MINK1: variants seen among roughly 807,000 people sequenced by gnomAD.
MINK1 encodes the protein misshapen-like kinase 1.
In MINK1, 46 loss-of-function variants were observed where a neutral mutation model predicts 178.4. The ratio of observed to expected loss-of-function variants is 0.26; its 90% CI spans 0.20 to 0.33. The LOEUF (loss-of-function observed/expected upper bound fraction) is 0.33. MINK1 is among the 10% of genes least tolerant of loss of function. The pLI is 1.00. For missense variants in MINK1, 1,366 were observed against 1,814.9 expected, an observed-to-expected ratio of 0.75 and a Z score of 4.49; for synonymous variants, 797 against 709.7, an observed-to-expected ratio of 1.12 and a Z score of -1.96.
chr17:4,841,335 C>T (rs1033690831), intron 1 of MINK1, among the ~76,000 whole-genome samples: 5 of 152,090 alleles, frequency 3.3e-5, no homozygotes, highest in African/African-American at 1.2e-4. Flanking sequence ...CGTCTTGTTC[C>T]AGGAACCACC....
intron 14 of MINK1, 41 bp downstream of exon 14, chr17:4,890,776 C>T: frequency 2.0e-6 from 3 of 1,534,230 alleles, no homozygotes; most frequent in Admixed American, 2.0e-5. Context: ...TGCAGTCCCA[C>T]TGCCTGAGGC....
intron 4 of MINK1, among the ~76,000 whole-genome samples, chr17:4,883,538 TG>T (rs1393913829): frequency 2.0e-5 from 3 of 150,792 alleles, no homozygotes; most frequent in Non-Finnish European, 4.4e-5. Flanking sequence ...GTTTTTTGTT[TG>T]TTTGTTTTTT....
In MINK1 at chr17:4,833,553, C is replaced by T. The variant is rs1162268654; in HGVS notation, c.-31C>T. 7 of 1,482,508 alleles carry T rather than the reference C, an allele frequency of 4.7e-6. No homozygotes were observed. The highest frequency in any genetic ancestry group is 6.3e-6 in the Non-Finnish European group (7 of 1,117,784). 91.8% of individuals were successfully genotyped at this position (1,482,508 alleles called of 1,614,324 possible). A position where few individuals can be genotyped will look rare whatever the true frequency, so the allele number is the denominator to read the frequency against. On this transcript the variant is annotated 5_prime_UTR_variant, in exon 1 of 32. Transcript: ENST00000355280. The surrounding 1 kb of genome is among the most constrained non-coding windows in gnomAD (Gnocchi z 4.8). ...TGGAGTAACCGAGCCGGAGCGTGAG[C>T]GGCCCCGGTGCCCCGTTCCCCACGG...
intron 4 of MINK1, among the ~76,000 whole-genome samples, chr17:4,881,649 C>A (rs1226315962): frequency 6.6e-6 from 1 of 152,216 alleles, no homozygotes; most frequent in Non-Finnish European, 1.5e-5. Context: ...GCAACAGAAC[C>A]AAAATATTTG....
At chr17:4,889,623 A>G in intron 12 of MINK1, 24 bp from the exon 13 acceptor site, 3 of 1,560,118 alleles carry the variant, frequency 1.9e-6, no homozygotes, top group Non-Finnish European at 2.6e-6. Flanking sequence ...TATGGTTCTT[A>G]AGACCACCTG....
At chr17:4,847,729 C>G (rs571769292) in intron 1 of MINK1, among the ~76,000 whole-genome samples, 1 of 151,992 alleles carries the variant, frequency 6.6e-6, no homozygotes, top group Non-Finnish European at 1.5e-5. Flanking sequence ...CTGACAGAAA[C>G]GGGGGGTGCC....
At position 4,891,072 on chromosome 17, in the gene MINK1, C is replaced by G; in HGVS notation, c.1688C>G (p.Ser563Cys). Residue 563 changes from serine (S) to cysteine (C), a missense_variant, in exon 15 of 32, where the codon TCC (serine) becomes TGC (cysteine). Transcript: ENST00000355280. The part of the protein sequence containing the change: ...QASPGPPGPL[S>C]QTPPMQRPVE... ...TCCCCAGGGCCCCCAGGACCCCTTT[C>G]CCAGACTCCTCCTATGCAGAGGCCG... is the stretch of plus-strand genomic sequence containing the variant. The G allele has an allele frequency of 6.4e-7, 1 of 1,553,584 alleles. No individual in the cohort carries two copies. Among genetic ancestry groups the G allele is most frequent in the Non-Finnish European group, 8.7e-7 (1 of 1,148,828 alleles).
Position 4,894,582 on chromosome 17 carries a change from G to C in MINK1, c.2866G>C (p.Asp956His), listed in dbSNP as rs370964482. The change falls in exon 24 of 32, where the codon GAT becomes CAT. Residue 956 changes from aspartate to histidine, a missense_variant. Transcript: ENST00000355280. This position sits in a 1 kb window ranked among gnomAD's most constrained non-coding sequence, Gnocchi z 4.1. ...CAAGAGCTCGTTCACGATGTTTGTGGATCTAGGGATCTACCAGCCTGGAGG... is the reference window on the plus strand; with the variant it reads ...CAAGAGCTCGTTCACGATGTTTGTGCATCTAGGGATCTACCAGCCTGGAGG... Reference protein sequence around the residue: ...PGKSSFTMFVDLGIYQPGGSG... With the variant: ...PGKSSFTMFVHLGIYQPGGSG... The C allele has an allele frequency of 6.2e-7, 1 of 1,609,188 alleles. No individual in the cohort carries two copies. Among genetic ancestry groups the C allele is most frequent in the African/African-American group, 1.3e-5 (1 of 74,832 alleles).
intron 2 of MINK1, among the ~76,000 whole-genome samples, chr17:4,880,595 CT>C (rs1454773843): frequency 6.8e-6 from 1 of 147,362 alleles, no homozygotes; most frequent in Non-Finnish European, 1.5e-5. Context: ...CTGAGGGGCA[CT>C]TTGTAAGATA....
At chr17:4,880,290 TTTTTC>T (rs1967574246) in intron 2 of MINK1, among the ~76,000 whole-genome samples, 2 of 151,418 alleles carry the variant, frequency 1.3e-5, no homozygotes, top group African/African-American at 4.9e-5. Flanking sequence ...GTACTTGCTT[TTTTTC>T]TTTTCTTTTT....
At chr17:4,875,358 T>C (rs1461630225) in intron 1 of MINK1, among the ~76,000 whole-genome samples, 2 of 152,120 alleles carry the variant, frequency 1.3e-5, no homozygotes, top group African/African-American at 4.8e-5. Flanking sequence ...GCCTATAATA[T>C]TAATGTGTTG....
chr17:4,847,325 GCCT>G, intron 1 of MINK1: 1 of 434,820 alleles, frequency 2.3e-6, no homozygotes, highest in Middle Eastern at 7.5e-4. Context: ...TGCATCCTCT[GCCT>G]CCTCGGTTCA....
intron 1 of MINK1, chr17:4,857,193 G>C: frequency 3.2e-6 from 1 of 315,358 alleles, no homozygotes; most frequent in Non-Finnish European, 6.4e-6. Context: ...GATGATACCA[G>C]CCATGACCAC....
rs1401987373 is a variant in MINK1, at chr17:4,836,783, T to A, written c.57+3143T>A. ...AATAGCACTCCCTCCTCTGCTTTAT[T>A]TTTATACAAAATTTTATATAGCATT... is the stretch of plus-strand genomic sequence containing the variant. On this transcript the variant is annotated intron_variant, in intron 1 of 31. Coordinates refer to ENST00000355280, the MANE Select transcript of MINK1 (RefSeq NM_153827.5). The surrounding 1 kb of genome is among the most constrained non-coding windows in gnomAD (Gnocchi z 4.3). 6.6e-6 allele frequency among the ~76,000 whole-genome samples: 1 copy of A among 152,198 alleles called. No individual in the cohort carries two copies. The highest frequency in any genetic ancestry group is 2.4e-5 in the African/African-American group (1 of 41,446).
In MINK1 at chr17:4,833,410, C is replaced by T. The variant is rs1430073181; in HGVS notation, c.-174C>T. On this transcript the variant is annotated 5_prime_UTR_variant, in exon 1 of 32. Coordinates refer to ENST00000355280, the MANE Select transcript of MINK1 (RefSeq NM_153827.5). This position sits in a 1 kb window ranked among gnomAD's most constrained non-coding sequence, Gnocchi z 4.8. ...GGTGGCTGGCTCCGGGGAGATAGCGCCTGTCAGTCGGTGGGTCGGTCCTCG... is the reference window on the plus strand; with the variant it reads ...GGTGGCTGGCTCCGGGGAGATAGCGTCTGTCAGTCGGTGGGTCGGTCCTCG... 10 of 549,154 alleles carry T rather than the reference C, an allele frequency of 1.8e-5. No homozygotes were observed. In the South Asian group the frequency reaches 2.2e-4, roughly 12 times the overall value. The allele number at this position is 549,154 out of a possible 1,614,324, so 34.0% of individuals were successfully genotyped here.
intron 1 of MINK1, among the ~76,000 whole-genome samples, chr17:4,840,408 T>G (rs1910031505): frequency 6.6e-6 from 1 of 152,168 alleles, no homozygotes; most frequent in Admixed American, 6.6e-5. Flanking sequence ...TTTATTTGTT[T>G]GTCTCAAAAG....
chr17:4,845,846 T>C (rs1243176137), intron 1 of MINK1, among the ~76,000 whole-genome samples: 1 of 152,204 alleles, frequency 6.6e-6, no homozygotes, highest in African/African-American at 2.4e-5. Flanking sequence ...TTTACTGTGG[T>C]GGCCAGGCTG....
intron 1 of MINK1, among the ~76,000 whole-genome samples, chr17:4,855,771 A>G (rs1425805159): frequency 1.4e-5 from 2 of 145,384 alleles, no homozygotes; most frequent in Non-Finnish European, 3.0e-5. Flanking sequence ...CTCCGTCTCA[A>G]AAAAAAAAAA....
At chr17:4,876,699 G>A (rs529836644) in intron 1 of MINK1, among the ~76,000 whole-genome samples, 1 of 152,232 alleles carries the variant, frequency 6.6e-6, no homozygotes, top group South Asian at 2.1e-4. Context: ...TGCCTGGAGA[G>A]TTTATTCCCA....
Sources: gnomAD v4.1 joint callset for allele counts (sites outside exome capture counted in the v4.1 genomes callset) on GRCh38, gnomAD v4.1.1 for gene constraint, Gnocchi (gnomAD v3.1) non-coding constraint, MANE v1.5 for transcripts, NCBI Gene and HGNC (gene_info 2026-07-23, HGNC 2026-07-21) for gene names.